PRKCH: variants seen among roughly 807,000 people sequenced by gnomAD.
PRKCH encodes protein kinase C eta type.
In PRKCH, 28 loss-of-function variants were observed where a neutral mutation model predicts 82.5. That is an observed-to-expected ratio of 0.34 (90% confidence interval 0.25 to 0.47). The LOEUF is 0.47. PRKCH is among the 20% of genes least tolerant of loss of function. PRKCH has a pLI of 1.00. For synonymous variants in PRKCH, 322 were observed against 327.4 expected (o/e 0.98, Z 0.18); for missense variants, 705 against 881.8 (o/e 0.80, Z 2.54).
At chr14:61,541,286 G>A (rs187852939) in intron 12 of PRKCH, among the ~76,000 whole-genome samples, 10 of 152,396 alleles carry the variant, frequency 6.6e-5, no homozygotes, top group Admixed American at 3.9e-4. Flanking sequence ...ACACGCATGC[G>A]TGGTGTGCTT....
intron 1 of PRKCH, among the ~76,000 whole-genome samples, chr14:61,373,550 C>T (rs575969264): frequency 2.5e-4 from 38 of 151,938 alleles, no homozygotes; most frequent in Non-Finnish European, 3.8e-4. Flanking sequence ...TCCCAAATCT[C>T]ATGTCCTTCT....
At chr14:61,292,286 A>G (rs1594894793) in intron 1 of PRKCH, among the ~76,000 whole-genome samples, 1 of 150,168 alleles carries the variant, frequency 6.7e-6, no homozygotes, top group South Asian at 2.1e-4. Context: ...GGAGTTCAAG[A>G]CCAGCCTAGG....
rs201664629 is a variant in PRKCH, at chr14:61,250,116, C to T, written c.-19+62448C>T. Among the ~76,000 whole-genome samples the T allele has an allele frequency of 1.5e-3, 219 of 150,452 alleles. 2 individuals are homozygous for T. The East Asian group carries it at 0.036, about 24-fold the overall frequency. ...CTCTACTAAAAATAGAAAAATTAGGCAGGCACGGTCGTGGGCGCCTGTAAT... is the reference window on the plus strand; with the variant it reads ...CTCTACTAAAAATAGAAAAATTAGGTAGGCACGGTCGTGGGCGCCTGTAAT... On this transcript the variant is annotated intron_variant, in intron 1 of 3. Coordinates refer to the PRKCH transcript ENST00000555185.
intron 1 of PRKCH, among the ~76,000 whole-genome samples, chr14:61,277,092 ACGAGAAT>A (rs1378740991): frequency 1.3e-5 from 2 of 152,122 alleles, no homozygotes; most frequent in African/African-American, 4.8e-5. Context: ...AGGCTGAGAC[ACGAGAAT>A]CTCTTGAACC....
chr14:61,508,639 A>G (rs1415403454), intron 10 of PRKCH, among the ~76,000 whole-genome samples: 2 of 152,152 alleles, frequency 1.3e-5, no homozygotes, highest in Non-Finnish European at 2.9e-5. Flanking sequence ...CCCAGTTTCC[A>G]TCTGGGTATC....
intron 1 of PRKCH, among the ~76,000 whole-genome samples, chr14:61,333,930 C>G (rs574093868): frequency 6.6e-5 from 10 of 152,190 alleles, no homozygotes; most frequent in Middle Eastern, 3.4e-3. Flanking sequence ...ACCCTTTGAG[C>G]CCCAGTCTCC....
intron 10 of PRKCH, among the ~76,000 whole-genome samples, chr14:61,516,567 A>C (rs562343088): frequency 1.3e-5 from 2 of 152,300 alleles, no homozygotes; most frequent in South Asian, 2.1e-4. Context: ...CTAAATGGCT[A>C]TTTGGGAAAA....
At chr14:61,340,074 G>C (rs1323399606) in intron 1 of PRKCH, among the ~76,000 whole-genome samples, 1 of 150,578 alleles carries the variant, frequency 6.6e-6, no homozygotes, top group African/African-American at 2.4e-5. Context: ...TTTTGAGGTG[G>C]GGCACAGTGT....
At chr14:61,197,634 G>T (rs1473195932) in intron 1 of PRKCH, among the ~76,000 whole-genome samples, 2 of 152,118 alleles carry the variant, frequency 1.3e-5, no homozygotes, top group East Asian at 1.9e-4. Context: ...ATCCATGAAT[G>T]AATTAATCCA....
intron 10 of PRKCH, among the ~76,000 whole-genome samples, chr14:61,503,178 T>C (rs767875685): frequency 2.6e-5 from 4 of 152,012 alleles, no homozygotes; most frequent in Middle Eastern, 3.2e-3. Flanking sequence ...GGGTAGATAC[T>C]ATTTTGGCCT....
At chr14:61,396,686 C>T (rs2046788475) in intron 2 of PRKCH, among the ~76,000 whole-genome samples, 1 of 152,036 alleles carries the variant, frequency 6.6e-6, no homozygotes, top group Admixed American at 6.6e-5. Flanking sequence ...TAGGACTGTG[C>T]CTAGAAGGGA....
At chr14:61,342,352 A>G (rs1484640645) in intron 1 of PRKCH, among the ~76,000 whole-genome samples, 3 of 152,200 alleles carry the variant, frequency 2.0e-5, no homozygotes, top group African/African-American at 7.2e-5. Context: ...AAAGGCTTGG[A>G]GAGGTGCCTT....
In PRKCH at chr14:61,530,230, T is replaced by G. The variant is rs2043028018; in HGVS notation, c.1573-177T>G. 3.9e-5 allele frequency among the ~76,000 whole-genome samples: 6 copies of G among 152,178 alleles called. No individual in the cohort carries two copies. The South Asian group carries it at 1.2e-3, about 32-fold the overall frequency. ...ACCTAGATGAGAAGGCACCTCTGAG[T>G]TGACCACAGGGAAAACAGACCACTC... On this transcript the variant is annotated intron_variant, in intron 11 of 13. Coordinates refer to ENST00000332981, the MANE Select transcript of PRKCH (RefSeq NM_006255.5).
intron 2 of PRKCH, among the ~76,000 whole-genome samples, chr14:61,433,270 A>G (rs910163500): frequency 2.0e-5 from 3 of 152,036 alleles, no homozygotes; most frequent in African/African-American, 7.3e-5. Context: ...TCGGCAGCAT[A>G]CTCCTCATGG....
At chr14:61,210,137 T>C (rs1594853630) in intron 1 of PRKCH, among the ~76,000 whole-genome samples, 1 of 42,462 alleles carries the variant, frequency 2.4e-5, no homozygotes, top group African/African-American at 1.1e-4. Flanking sequence ...TATATATATA[T>C]ATATATATAT....
At position 61,508,681 on chromosome 14, in the gene PRKCH, T is replaced by G. The variant is rs144385144; in HGVS notation, c.1434-20394T>G. 1.1e-3 allele frequency among the ~76,000 whole-genome samples: 175 copies of G among 152,236 alleles called. 4 individuals carry two copies. The South Asian group carries it at 0.032, about 27-fold the overall frequency. On this transcript the variant is annotated intron_variant, in intron 10 of 13. Transcript: ENST00000332981. ...CTCCTGGTCATTTCTTTCCCAGAAA[T>G]TGGGGGATCTGGTCTCAGATAAGAG...
chr14:61,513,123 A>G (rs2042771430), intron 10 of PRKCH, among the ~76,000 whole-genome samples: 1 of 152,224 alleles, frequency 6.6e-6, no homozygotes, highest in Admixed American at 6.5e-5. Context: ...CACCAGATGC[A>G]GAAAGCAGTT....
At chr14:61,221,504 C>A (rs1182072579) in intron 1 of PRKCH, among the ~76,000 whole-genome samples, 1 of 151,706 alleles carries the variant, frequency 6.6e-6, no homozygotes, top group East Asian at 2.0e-4. Context: ...GCCCCCTCCC[C>A]ATTCTTTTCT....
chr14:61,345,194 CAG>C (rs1283395120), intron 1 of PRKCH, among the ~76,000 whole-genome samples: 1 of 152,138 alleles, frequency 6.6e-6, no homozygotes, highest in Admixed American at 6.5e-5. Context: ...TCTGGGAGGA[CAG>C]TGTCTTACCA....
Sources: allele counts gnomAD v4.1 joint callset (sites outside exome capture counted in the v4.1 genomes callset), GRCh38; gene constraint gnomAD v4.1.1; transcripts MANE v1.5; gene names NCBI Gene and HGNC (gene_info 2026-07-23, HGNC 2026-07-21).